The following NXPE2 variants were observed in gnomAD, a reference collection of about 807,000 sequenced individuals.
NXPE2 encodes the protein neurexophilin and PC-esterase domain family member 2, also known as NXPE family member 2.
A neutral mutation model predicts 34.4 loss-of-function variants in NXPE2; 34 were observed. That is an observed-to-expected ratio of 0.99 (90% CI 0.75 to 1.31). The LOEUF is 1.31. Among genes scored for constraint, NXPE2 ranks in the 40% most tolerant of loss-of-function variants. NXPE2 has a pLI of 0.00. For missense variants in NXPE2, 649 were observed against 672.5 expected (o/e 0.97, Z 0.39); for synonymous variants, 235 against 231.3 (o/e 1.02, Z -0.15).
the NXPE2 span, among the ~76,000 whole-genome samples, chr11:114,792,489 A>G: frequency 1.3e-5 from 2 of 152,200 alleles, no homozygotes; most frequent in African/African-American, 4.8e-5. Flanking sequence ...GCTCCCAGCT[A>G]CAAATCAGCT....
At chr11:114,700,522 G>A (rs1712839) in intron 3 of NXPE2, among the ~76,000 whole-genome samples, 139,267 of 152,116 alleles carry the variant, frequency 0.92, 63,790 homozygotes, top group East Asian at 0.93. Context: ...GCTGGAACGC[G>A]GGAAGTGAGG....
chr11:114,623,504 GATA>G, the NXPE2 span, among the ~76,000 whole-genome samples: 2 of 152,178 alleles, frequency 1.3e-5, no homozygotes, highest in African/African-American at 2.4e-5. Context: ...TTACCCAGTG[GATA>G]ATAAGTATTC....
the NXPE2 span, among the ~76,000 whole-genome samples, chr11:114,639,736 AAAT>A: frequency 9.8e-6 from 1 of 102,130 alleles, no homozygotes; most frequent in African/African-American, 3.4e-5. Context: ...ATATAATATA[AAAT>A]AATATATAAT....
At chr11:114,470,623 G>GTGTA in the NXPE2 span, among the ~76,000 whole-genome samples, 1 of 139,510 alleles carries the variant, frequency 7.2e-6, no homozygotes, top group Non-Finnish European at 1.6e-5. Context: ...GTGTGTGTGT[G>GTGTA]TATACAGAGA....
the NXPE2 span, among the ~76,000 whole-genome samples, chr11:114,786,554 C>T: frequency 1.3e-5 from 2 of 152,114 alleles, no homozygotes; most frequent in African/African-American, 4.8e-5. Context: ...GTACAGGTTG[C>T]TAAATTACCC....
At chr11:114,787,723 A>G in the NXPE2 span, among the ~76,000 whole-genome samples, 1 of 152,294 alleles carries the variant, frequency 6.6e-6, no homozygotes, top group African/African-American at 2.4e-5. Flanking sequence ...GTATCTATCT[A>G]TCTATCCACC....
the NXPE2 span, chr11:114,580,379 A>T: frequency 6.4e-7 from 1 of 1,561,804 alleles, no homozygotes; most frequent in African/African-American, 1.4e-5. Context: ...CAAAACATCA[A>T]ATTACCCGTC....
At chr11:114,807,619 A>G in the NXPE2 span, among the ~76,000 whole-genome samples, 2 of 151,736 alleles carry the variant, frequency 1.3e-5, no homozygotes, top group Non-Finnish European at 2.9e-5. Flanking sequence ...TGGTAAAGGG[A>G]TCAATTCAAC....
At chr11:114,700,087 C>T (rs959958075) in intron 3 of NXPE2, among the ~76,000 whole-genome samples, 1 of 152,190 alleles carries the variant, frequency 6.6e-6, no homozygotes, top group Non-Finnish European at 1.5e-5. Context: ...AGCCATCACG[C>T]CCAGCCCATT....
chr11:114,509,585 G>A, the NXPE2 span, among the ~76,000 whole-genome samples: 1 of 152,176 alleles, frequency 6.6e-6, no homozygotes, highest in African/African-American at 2.4e-5. Context: ...GGAATACTGT[G>A]CAGCCATAAA....
the NXPE2 span, among the ~76,000 whole-genome samples, chr11:114,474,136 G>A: frequency 1.5e-4 from 23 of 152,288 alleles, no homozygotes; most frequent in Admixed American, 5.9e-4. Flanking sequence ...TCTAGTAGCC[G>A]CCATAAGGAG....
At chr11:114,572,074 T>C in the NXPE2 span, among the ~76,000 whole-genome samples, 1 of 152,134 alleles carries the variant, frequency 6.6e-6, no homozygotes, top group Admixed American at 6.6e-5. Context: ...TCACATCCTA[T>C]GGGATTCTTT....
At chr11:114,643,867 T>C in the NXPE2 span, among the ~76,000 whole-genome samples, 1 of 152,218 alleles carries the variant, frequency 6.6e-6, no homozygotes, top group African/African-American at 2.4e-5. Context: ...ATGGCCACTT[T>C]CATGATATTA....
intron 2 of NXPE2, among the ~76,000 whole-genome samples, chr11:114,685,750 A>G (rs1243088484): frequency 2.6e-5 from 4 of 152,154 alleles, no homozygotes; most frequent in Non-Finnish European, 4.4e-5. Context: ...TATTTTAAAG[A>G]GACTTTCCTC....
the NXPE2 span, among the ~76,000 whole-genome samples, chr11:114,664,871 C>A: frequency 6.6e-6 from 1 of 152,146 alleles, no homozygotes; most frequent in Non-Finnish European, 1.5e-5. Flanking sequence ...CAGTGTACTA[C>A]TGGATTGTCA....
chr11:114,662,175 AC>A, the NXPE2 span, among the ~76,000 whole-genome samples: 2 of 152,126 alleles, frequency 1.3e-5, no homozygotes, highest in Non-Finnish European at 1.5e-5. Flanking sequence ...ACACAACCCC[AC>A]CATCAACCCC....
chr11:114,766,806 C>A, the NXPE2 span, among the ~76,000 whole-genome samples: 2 of 152,028 alleles, frequency 1.3e-5, no homozygotes, highest in African/African-American at 2.4e-5. Context: ...TCTTTTCTTT[C>A]CAATTAACTC....
the NXPE2 span, among the ~76,000 whole-genome samples, chr11:114,515,290 T>C: frequency 6.6e-6 from 1 of 152,210 alleles, no homozygotes; most frequent in Non-Finnish European, 1.5e-5. Context: ...ACCTGGGATC[T>C]ATTTGATATG....
At chr11:114,598,543 A>C in the NXPE2 span, among the ~76,000 whole-genome samples, 1 of 152,348 alleles carries the variant, frequency 6.6e-6, no homozygotes, top group South Asian at 2.1e-4. Context: ...TCTGAAATCT[A>C]AGTAGAGTCT....
Sources: gnomAD v4.1 joint callset for allele counts (sites outside exome capture counted in the v4.1 genomes callset) on GRCh38, gnomAD v4.1.1 for gene constraint, MANE v1.5 for transcripts, NCBI Gene and HGNC (gene_info 2026-07-23, HGNC 2026-07-21) for gene names.